The following GRIN2B variants were observed in gnomAD, a reference collection of about 807,000 sequenced individuals.
The protein encoded by GRIN2B is glutamate ionotropic receptor NMDA type subunit 2B.
In GRIN2B, 5 loss-of-function variants were observed where a neutral mutation model predicts 114.5. The ratio of observed to expected loss-of-function variants is 0.04; its 90% confidence interval spans 0.02 to 0.09. The LOEUF (loss-of-function observed/expected upper bound fraction) is 0.09, where lower values mean the gene tolerates loss of function less well. GRIN2B is among the 10% of genes least tolerant of loss of function. The pLI is 1.00. For missense variants in GRIN2B, 1,108 were observed against 1,943.5 expected, an observed-to-expected ratio of 0.57 and a Z score of 8.08; for synonymous variants, 787 against 745.1, an observed-to-expected ratio of 1.06 and a Z score of -0.92.
In GRIN2B at chr12:13,555,453, C is replaced by A. The variant is rs1386808300; in HGVS notation, c.*7330G>T. ...AGCGATAGGACAGAAATTCAAGAGTCAAATTGGATTGAGAGATTTGTCTTT... is the reference window on the plus strand; with the variant it reads ...AGCGATAGGACAGAAATTCAAGAGTAAAATTGGATTGAGAGATTTGTCTTT... On this transcript the variant is annotated 3_prime_UTR_variant, in exon 14 of 14. Transcript: ENST00000609686. 3 of 152,054 alleles carry A rather than the reference C, an allele frequency of 2.0e-5. No individual in the cohort carries two copies. Among genetic ancestry groups the A allele is most frequent in the Non-Finnish European group, 2.9e-5 (2 of 68,012 alleles). 9.4% of individuals were successfully genotyped at this position (152,054 alleles called of 1,614,324 possible). A position where few individuals can be genotyped will look rare whatever the true frequency, so the allele number is the denominator to read the frequency against.
chr12:13,813,675 A>G (rs921496030), intron 3 of GRIN2B, among the ~76,000 whole-genome samples: 3 of 152,240 alleles, frequency 2.0e-5, no homozygotes, highest in African/African-American at 7.2e-5. Context: ...GGTCATTTAT[A>G]CAGGACTTAG....
chr12:13,930,196 T>C (rs1202118313), intron 2 of GRIN2B, among the ~76,000 whole-genome samples: 2 of 152,102 alleles, frequency 1.3e-5, no homozygotes, highest in Non-Finnish European at 2.9e-5. Context: ...AATAAATAGA[T>C]AAATAAATAA....
intron 2 of GRIN2B, among the ~76,000 whole-genome samples, chr12:13,904,454 G>A (rs996599176): frequency 3.3e-5 from 5 of 151,868 alleles, no homozygotes; most frequent in African/African-American, 4.8e-5. Flanking sequence ...TAATTTATAC[G>A]TACACTTTTG....
intron 3 of GRIN2B, among the ~76,000 whole-genome samples, chr12:13,775,017 C>T (rs1278680499): frequency 3.9e-5 from 6 of 151,924 alleles, no homozygotes; most frequent in Non-Finnish European, 5.9e-5. Context: ...CTGGTGCTGC[C>T]GCTGGTGATG....
At chr12:13,935,750 T>C (rs1867116600) in intron 2 of GRIN2B, among the ~76,000 whole-genome samples, 1 of 152,178 alleles carries the variant, frequency 6.6e-6, no homozygotes, top group African/African-American at 2.4e-5. Context: ...AAGACAAAGA[T>C]AAGTGGAAGC....
intron 2 of GRIN2B, among the ~76,000 whole-genome samples, chr12:13,866,723 C>T (rs903439029): frequency 5.3e-5 from 8 of 152,150 alleles, no homozygotes; most frequent in Admixed American, 3.3e-4. Flanking sequence ...CTGCCTTCAC[C>T]TTATGTTTGC....
intron 2 of GRIN2B, among the ~76,000 whole-genome samples, chr12:13,875,099 T>A (rs935268992): frequency 6.6e-6 from 1 of 151,842 alleles, no homozygotes; most frequent in Non-Finnish European, 1.5e-5. Context: ...CAGGCCCCAG[T>A]GTGTATTTTT....
At chr12:13,623,330 G>C (rs1949535839) in intron 5 of GRIN2B, among the ~76,000 whole-genome samples, 1 of 152,126 alleles carries the variant, frequency 6.6e-6, no homozygotes, top group Non-Finnish European at 1.5e-5. Flanking sequence ...AAATGAAAAG[G>C]CGGAACAAAA....
Position 13,550,375 on chromosome 12 carries a change from G to A in GRIN2B, c.*12408C>T, listed in dbSNP as rs931318010. ...ACATGGGAATAAGCTAAAAATGCTCGAGAAATGACTCTTCAGATTTCTATG... is the reference window on the plus strand; with the variant it reads ...ACATGGGAATAAGCTAAAAATGCTCAAGAAATGACTCTTCAGATTTCTATG... On this transcript the variant is annotated 3_prime_UTR_variant, in exon 14 of 14. Transcript: ENST00000609686. 6.6e-6 allele frequency: 1 copy of A among 152,156 alleles called. No homozygotes were observed. Among genetic ancestry groups the A allele is most frequent in the Admixed American group, 6.5e-5 (1 of 15,278 alleles). 9.4% of individuals were successfully genotyped at this position (152,156 alleles called of 1,614,324 possible).
At chr12:13,825,497 TGTGTGTG>T (rs1297551739) in intron 3 of GRIN2B, among the ~76,000 whole-genome samples, 415 of 2,622 alleles carry the variant, frequency 0.16, 6 homozygotes, top group Middle Eastern at 0.5. Flanking sequence ...ATATATATTT[TGTGTGTG>T]TGTGTGTGTG....
intron 8 of GRIN2B, among the ~76,000 whole-genome samples, chr12:13,612,801 T>C (rs1565476437): frequency 6.6e-6 from 1 of 152,228 alleles, no homozygotes; most frequent in African/African-American, 2.4e-5. Context: ...TGTCCCATGA[T>C]ACAATGCTCC....
chr12:13,855,777 A>C (rs1275955385), intron 3 of GRIN2B, among the ~76,000 whole-genome samples: 1 of 152,182 alleles, frequency 6.6e-6, no homozygotes, highest in African/African-American at 2.4e-5. Context: ...CCCTTTATCC[A>C]AATAAGGTCA....
intron 2 of GRIN2B, among the ~76,000 whole-genome samples, chr12:13,869,955 A>G (rs1333051470): frequency 3.3e-5 from 5 of 152,194 alleles, no homozygotes; most frequent in Non-Finnish European, 5.9e-5. Context: ...AAGTGCTTTG[A>G]ATAATCTAAA....
rs945927270 is a variant in GRIN2B at position 13,561,483 on chromosome 12, G to C, written c.*1300C>G. The C allele has an allele frequency of 1.3e-5, 2 of 152,460 alleles. No individual in the cohort carries two copies. The highest frequency in any genetic ancestry group is 4.8e-5 in the African/African-American group (2 of 41,378). The allele number at this position is 152,460 out of a possible 1,614,324, so 9.4% of individuals were successfully genotyped here. A position where few individuals can be genotyped will look rare whatever the true frequency, so the allele number is the denominator to read the frequency against. Reference sequence around the variant, plus strand: ...TCTGTAGCAGTTGTAATCAGTTTTGGGGGGAAGAAGCCTGCTCGTCTAGCT... The same window carrying C: ...TCTGTAGCAGTTGTAATCAGTTTTGCGGGGAAGAAGCCTGCTCGTCTAGCT... On this transcript the variant is annotated 3_prime_UTR_variant, in exon 14 of 14. Coordinates refer to ENST00000609686, the MANE Select transcript of GRIN2B (RefSeq NM_000834.5).
At chr12:13,900,903 T>C (rs924431293) in intron 2 of GRIN2B, among the ~76,000 whole-genome samples, 3 of 152,216 alleles carry the variant, frequency 2.0e-5, no homozygotes, top group Non-Finnish European at 4.4e-5. Context: ...TTCCACTTTA[T>C]GATTAAACTT....
intron 3 of GRIN2B, among the ~76,000 whole-genome samples, chr12:13,794,098 G>A (rs1206909650): frequency 6.7e-6 from 1 of 149,486 alleles, no homozygotes; most frequent in Non-Finnish European, 1.5e-5. Flanking sequence ...ATGTGCCTGT[G>A]GGAGGCTGAG....
Position 13,741,689 on chromosome 12 carries a change from G to A in GRIN2B, c.1010+11628C>T, listed in dbSNP as rs537138875. 7.2e-5 allele frequency among the ~76,000 whole-genome samples: 11 copies of A among 152,108 alleles called. No homozygotes were observed. In the East Asian group the frequency reaches 1.9e-3, roughly 27 times the overall value. ...CTCACCTAAGCTTCCCAGGTTGCTG[G>A]GACTACAGGTGCATGCCACCATGCC... On this transcript the variant is annotated intron_variant, in intron 4 of 13. Transcript: ENST00000609686.
At chr12:13,822,046 C>T (rs1473732625) in intron 3 of GRIN2B, among the ~76,000 whole-genome samples, 1 of 152,094 alleles carries the variant, frequency 6.6e-6, no homozygotes, top group Non-Finnish European at 1.5e-5. Flanking sequence ...ATATTGAAGA[C>T]AATTTCATTT....
intron 2 of GRIN2B, among the ~76,000 whole-genome samples, chr12:13,940,405 C>T (rs770747275): frequency 5.3e-5 from 8 of 151,992 alleles, no homozygotes; most frequent in Non-Finnish European, 1.2e-4. Context: ...TATTTCTTAC[C>T]TTGCCGTTTG....
Sources: allele counts gnomAD v4.1 joint callset (sites outside exome capture counted in the v4.1 genomes callset), GRCh38; gene constraint gnomAD v4.1.1; transcripts MANE v1.5; gene names NCBI Gene and HGNC (gene_info 2026-07-23, HGNC 2026-07-21).